TRIM7: variants seen among roughly 807,000 people sequenced by gnomAD.
TRIM7 encodes E3 ubiquitin-protein ligase TRIM7.
A neutral mutation model predicts 37.9 loss-of-function variants in TRIM7; 32 were observed. The ratio of observed to expected loss-of-function variants is 0.84; its 90% CI spans 0.64 to 1.13. The LOEUF (loss-of-function observed/expected upper bound fraction) is 1.13. TRIM7 is among the 50% of genes most tolerant of loss of function. The probability of loss-of-function intolerance (pLI) is 0.00; values close to 1 mark genes in which losing one functional copy is unlikely to be tolerated. For missense variants in TRIM7, 732 were observed against 714.0 expected (o/e 1.03, Z -0.29); for synonymous variants, 351 against 321.3 (o/e 1.09, Z -0.99).
chr5:181,195,970 A>G (rs1757094910), intron 6 of TRIM7: 1 of 395,294 alleles, frequency 2.5e-6, no homozygotes, highest in East Asian at 3.9e-5. Flanking sequence ...ATTGGAAAGA[A>G]TCATTAATCT....
At position 181,205,160 on chromosome 5, in the gene TRIM7, C is replaced by T; in HGVS notation, c.-50G>A. ...TGGTCGCGCCTGGGCGGCCACTGGA[C>T]CTCACAGGACGCGGAGCTGGGCGCC... is the stretch of plus-strand genomic sequence containing the variant. On this transcript the variant is annotated 5_prime_UTR_variant, in exon 1 of 7. Coordinates refer to ENST00000274773, the MANE Select transcript of TRIM7 (RefSeq NM_203293.3). 6.3e-6 allele frequency: 8 copies of T among 1,273,800 alleles called. No homozygotes were observed. The highest frequency in any genetic ancestry group is 7.9e-6 in the Non-Finnish European group (8 of 1,009,374). 78.9% of individuals were successfully genotyped at this position (1,273,800 alleles called of 1,614,324 possible). A position where few individuals can be genotyped will look rare whatever the true frequency, so the allele number is the denominator to read the frequency against.
chr5:181,204,943 G>T lies in TRIM7; in HGVS notation c.168C>A (p.Cys56Ter). Residue 56 changes from cysteine to a stop codon, truncating the protein, a stop_gained, in exon 1 of 7, where the codon TGC becomes TGA. Coordinates refer to ENST00000274773, the MANE Select transcript of TRIM7 (RefSeq NM_203293.3). LOFTEE classifies it high-confidence loss of function. Reference protein sequence around the residue: ...HSFCRACIGRCWERPGAGSVG... With the variant: ...HSFCRACIGR ...CAGACCCCGCGCCCGGGCGCTCCCA[G>T]CAGCGCCCTATGCAGGCGCGGCAGA... 1 of 1,441,658 alleles carries T rather than the reference G, an allele frequency of 6.9e-7. No individual in the cohort carries two copies. The highest frequency in any genetic ancestry group is 9.0e-7 in the Non-Finnish European group (1 of 1,105,922). The allele number at this position is 1,441,658 out of a possible 1,614,324, so 89.3% of individuals were successfully genotyped here. A position where few individuals can be genotyped will look rare whatever the true frequency, so the allele number is the denominator to read the frequency against.
In TRIM7 at chr5:181,201,623, C is replaced by G. The variant is rs149590898; in HGVS notation, c.619-1542G>C. Among the ~76,000 whole-genome samples the G allele has an allele frequency of 4.6e-4, 70 of 151,972 alleles. 1 individual carries two copies. The East Asian group carries it at 0.013, about 29-fold the overall frequency. ...TACAAAAAATAAATTAAAAATTAGC[C>G]GGGTGTAGTAGTGCACACCTGTAGT... On this transcript the variant is annotated intron_variant, in intron 2 of 6. Coordinates refer to ENST00000274773, the MANE Select transcript of TRIM7 (RefSeq NM_203293.3).
At chr5:181,199,809 C>T (rs1442337013) in intron 3 of TRIM7, 42 bp downstream of exon 3, 2 of 1,576,302 alleles carry the variant, frequency 1.3e-6, no homozygotes, top group Non-Finnish European at 8.6e-7. Flanking sequence ...GTCCTGATGC[C>T]TTAGGATAAA....
Position 181,204,751 on chromosome 5 carries a change from C to T in TRIM7, c.360G>A (p.Ala120=). 6.9e-7 allele frequency: 1 copy of T among 1,448,362 alleles called. No homozygotes were observed. Among genetic ancestry groups the T allele is most frequent in the Non-Finnish European group, 9.0e-7 (1 of 1,110,544 alleles). The allele number at this position is 1,448,362 out of a possible 1,614,324, so 89.7% of individuals were successfully genotyped here. ...GGGCAGCCGCTGCCCGGGCCGCGGC[C>T]GCCTGAGACCCGTGCTCTCCCGGGG... is the stretch of plus-strand genomic sequence containing the variant. ...AAAPGEHGSQ[A]AAARAAAARC... The change falls in exon 1 of 7, where the codon GCG becomes GCA. Residue 120 remains alanine (A), a synonymous_variant. Transcript: ENST00000274773.
In TRIM7 at chr5:181,203,400, C is replaced by G. The variant is rs922759718; in HGVS notation, c.618+145G>C. ...TTTGTACAACAATTATGTGGACACC[C>G]TATATAATATGGACTCTATTATCTT... is the stretch of plus-strand genomic sequence containing the variant. On this transcript the variant is annotated intron_variant, in intron 2 of 6. Coordinates refer to ENST00000274773, the MANE Select transcript of TRIM7 (RefSeq NM_203293.3). 6.9e-5 allele frequency: 103 copies of G among 1,500,902 alleles called. No homozygotes were observed. In the African/African-American group the frequency reaches 1.4e-3, roughly 20 times the overall value. The allele number at this position is 1,500,902 out of a possible 1,614,324, so 93.0% of individuals were successfully genotyped here. A position where few individuals can be genotyped will look rare whatever the true frequency, so the allele number is the denominator to read the frequency against.
At chr5:181,203,459 C>T (rs1197083793) in intron 2 of TRIM7, 86 bp downstream of exon 2, 1 of 1,590,992 alleles carries the variant, frequency 6.3e-7, no homozygotes, top group East Asian at 2.2e-5. Context: ...ATAGCACACA[C>T]TCCAACACCA....
In TRIM7 at chr5:181,199,127, A is replaced by C. The variant is rs1437210319; in HGVS notation, c.850-10T>G. Reference sequence around the variant, plus strand: ...GCGTGCTTTTGAATTCCTGGAAGGAAAGATAGAGGAAACCAAATCAGCATC... The same window carrying C: ...GCGTGCTTTTGAATTCCTGGAAGGACAGATAGAGGAAACCAAATCAGCATC... On this transcript the variant is annotated splice_polypyrimidine_tract_variant and intron_variant, in intron 3 of 6. Transcript: ENST00000274773. 1 of 1,614,234 alleles carries C rather than the reference A, an allele frequency of 6.2e-7. No individual in the cohort carries two copies. Among genetic ancestry groups the C allele is most frequent in the East Asian group, 2.2e-5 (1 of 44,892 alleles).
intron 2 of TRIM7, chr5:181,202,948 G>A (rs1757597487): frequency 2.0e-5 from 3 of 152,260 alleles, no homozygotes; most frequent in Admixed American, 2.0e-4. Context: ...ATTCCAACTT[G>A]GGGTAGAGGC....
Position 181,195,502 on chromosome 5 carries a change from C to T in TRIM7, c.1200G>A (p.Glu400=). 1.3e-5 allele frequency: 21 copies of T among 1,612,738 alleles called. No individual in the cohort carries two copies. Among genetic ancestry groups the T allele is most frequent in the Non-Finnish European group, 1.8e-5 (21 of 1,179,746 alleles). ...CGFSSGRHHW[E]VEVGSKDGWA... is the part of the protein sequence containing the mutation. Reference sequence around the variant, plus strand: ...AGCCGTCCTTAGAGCCCACCTCCACCTCCCAGTGATGCCGGCCCGAGGAGA... The same window carrying T: ...AGCCGTCCTTAGAGCCCACCTCCACTTCCCAGTGATGCCGGCCCGAGGAGA... Residue 400 remains glutamate, a synonymous_variant, in exon 7 of 7, where the codon GAG becomes GAA. Transcript: ENST00000274773.
chr5:181,199,070 C>T, intron 4 of TRIM7, 25 bp downstream of exon 4: 3 of 1,614,004 alleles, frequency 1.9e-6, no homozygotes, highest in Admixed American at 1.7e-5. Flanking sequence ...CTTAGAGAGG[C>T]CCCAGGAGCT....
intron 2 of TRIM7, 142 bp downstream of exon 2, chr5:181,203,403 T>C: frequency 6.6e-7 from 1 of 1,506,792 alleles, no homozygotes; most frequent in East Asian, 2.3e-5. Context: ...GGACACCCTA[T>C]ATAATATGGA....
At chr5:181,199,776 C>A in intron 3 of TRIM7, 75 bp downstream of exon 3, 2 of 1,503,264 alleles carry the variant, frequency 1.3e-6, no homozygotes, top group Non-Finnish European at 8.9e-7. Context: ...CCCCCCAGGA[C>A]TGACACTGTT....
Position 181,195,592 on chromosome 5 carries a change from G to A in TRIM7, c.1110C>T (p.Ala370=). 6.3e-7 allele frequency: 1 copy of A among 1,596,168 alleles called. No homozygotes were observed. Among genetic ancestry groups the A allele is most frequent in the Non-Finnish European group, 8.6e-7 (1 of 1,168,674 alleles). ...GGCAGGGGTGGTTGGGCAGGTCCTG[G>A]GCCCGCTCGCCGAGGCGCACGCCCT... ...DLKGVRLGER[A]QDLPNHPCRF... is the part of the protein sequence containing the mutation. The change falls in exon 7 of 7, where the codon GCC becomes GCT. Residue 370 remains alanine, a synonymous_variant. Transcript: ENST00000274773.
rs954710762 is a variant in TRIM7 at position 181,204,935 on chromosome 5, C to A, written c.176G>T (p.Arg59Leu). 6.4e-6 allele frequency: 9 copies of A among 1,412,758 alleles called. No homozygotes were observed. Among genetic ancestry groups the A allele is most frequent in the African/African-American group, 1.5e-5 (1 of 65,986 alleles). The allele number at this position is 1,412,758 out of a possible 1,614,324, so 87.5% of individuals were successfully genotyped here. The change falls in exon 1 of 7, where the codon CGC becomes CTC. Residue 59 changes from arginine to leucine, a missense_variant. Arg to Leu is a moderately radical substitution (Grantham distance 102, BLOSUM62 -2). Coordinates refer to ENST00000274773, the MANE Select transcript of TRIM7 (RefSeq NM_203293.3). ...GGCCCCAACAGACCCCGCGCCCGGG[C>A]GCTCCCAGCAGCGCCCTATGCAGGC... ...CRACIGRCWE[R>L]PGAGSVGAAT...
intron 3 of TRIM7, chr5:181,199,412 G>A (rs1055116370): frequency 1.9e-6 from 1 of 531,760 alleles, no homozygotes; most frequent in Admixed American, 3.4e-5. Context: ...GGGACCCAGT[G>A]CTGCGTGTGT....
Position 181,204,719 on chromosome 5 carries a change from C to A in TRIM7, c.392G>T (p.Gly131Val). ...AAARAAAARCGQHGEPFKLYC... is the reference protein window; with the variant it reads ...AAARAAAARCVQHGEPFKLYC... ...GAGCTTGAAGGGTTCGCCATGCTGC[C>A]CGCAGCGGGCAGCCGCTGCCCGGGC... is the stretch of plus-strand genomic sequence containing the variant. The change falls in exon 1 of 7, where the codon GGG (glycine) becomes GTG (valine). Residue 131 changes from glycine (G) to valine (V), a missense_variant. Gly to Val is a moderately radical substitution (Grantham distance 109). Transcript: ENST00000274773. 1.3e-6 allele frequency: 2 copies of A among 1,481,498 alleles called. No homozygotes were observed. Among genetic ancestry groups the A allele is most frequent in the Non-Finnish European group, 1.8e-6 (2 of 1,125,662 alleles). 91.8% of individuals were successfully genotyped at this position (1,481,498 alleles called of 1,614,324 possible). A position where few individuals can be genotyped will look rare whatever the true frequency, so the allele number is the denominator to read the frequency against.
intron 2 of TRIM7, 170 bp from the exon 3 acceptor site, chr5:181,200,251 G>A (rs916866561): frequency 3.4e-6 from 5 of 1,489,514 alleles, no homozygotes; most frequent in Admixed American, 4.8e-5. Flanking sequence ...TCCCAGCTCT[G>A]AACAAGCTGT....
rs1757719025 is a variant in TRIM7 at position 181,204,777 on chromosome 5, C to A, written c.334G>T (p.Ala112Ser). 8 of 1,431,706 alleles carry A rather than the reference C, an allele frequency of 5.6e-6. No homozygotes were observed. In the South Asian group the frequency reaches 1.1e-4, roughly 20 times the overall value. 88.7% of individuals were successfully genotyped at this position (1,431,706 alleles called of 1,614,324 possible). The change falls in exon 1 of 7, where the codon GCC (alanine) becomes TCC (serine). Residue 112 changes from alanine (A) to serine (S), a missense_variant. Physicochemically the swap from Ala to Ser is moderately conservative, Grantham distance 99. Coordinates refer to ENST00000274773, the MANE Select transcript of TRIM7 (RefSeq NM_203293.3). Reference sequence around the variant, plus strand: ...GCCTGAGACCCGTGCTCTCCCGGGGCAGCCGCGGGCAGGCTGAAGCGCCGC... The same window carrying A: ...GCCTGAGACCCGTGCTCTCCCGGGGAAGCCGCGGGCAGGCTGAAGCGCCGC... Reference protein sequence around the residue: ...LLRRFSLPAAAPGEHGSQAAA... With the variant: ...LLRRFSLPAASPGEHGSQAAA...
Sources: gnomAD v4.1 joint callset for allele counts (sites outside exome capture counted in the v4.1 genomes callset) on GRCh38, gnomAD v4.1.1 for gene constraint, MANE v1.5 for transcripts, NCBI Gene and HGNC (gene_info 2026-07-23, HGNC 2026-07-21) for gene names.